MED12L: variants seen among roughly 807,000 people sequenced by gnomAD.
MED12L encodes mediator complex subunit 12L.
MED12L carries 60 observed loss-of-function variants against 281.3 expected under a neutral mutation model. The observed-to-expected ratio is 0.21, with a 90% CI of 0.17 to 0.26. The LOEUF is 0.26. Ranked by LOEUF, MED12L falls within the 10% of genes least tolerant of loss-of-function variation. The pLI, the probability that MED12L is intolerant of heterozygous loss-of-function variation, is 1.00. For synonymous variants in MED12L, 974 were observed against 987.2 expected (o/e 0.99, Z 0.25); for missense variants, 2,146 against 2,680.9 (o/e 0.80, Z 4.41).
At chr3:151,201,914 CA>C (rs1725655471) in intron 16 of MED12L, among the ~76,000 whole-genome samples, 1 of 152,126 alleles carries the variant, frequency 6.6e-6, no homozygotes, top group Non-Finnish European at 1.5e-5. Context: ...TTAAGTGCTC[CA>C]TTGCTTGCAC....
In MED12L at chr3:151,159,896, G is replaced by A; in HGVS notation, c.902G>A (p.Arg301His). Residue 301 changes from arginine (R) to histidine (H), a missense_variant, in exon 8 of 45, where the codon CGT becomes CAT. Physicochemically the swap from Arg to His is conservative, Grantham distance 29. Around this residue, in one of 9 missense-constraint regions of MED12L, gnomAD observed 722 missense variants for 861.2 expected, o/e 0.84. Coordinates refer to ENST00000687756, the MANE Select transcript of MED12L (RefSeq NM_001393769.1). ...SRRLAYFCAR[R>H]LSLLLSDSPN... ...CGTCTTGCCTACTTTTGTGCCCGGC[G>A]TCTTTCCTTGCTGCTGAGCGATAGC... 2.5e-6 allele frequency: 4 copies of A among 1,614,120 alleles called. No individual in the cohort carries two copies. Among genetic ancestry groups the A allele is most frequent in the Non-Finnish European group, 3.4e-6 (4 of 1,180,008 alleles).
intron 11 of MED12L, among the ~76,000 whole-genome samples, chr3:151,181,915 TAAAG>T (rs1035738715): frequency 2.6e-5 from 4 of 152,108 alleles, no homozygotes; most frequent in Admixed American, 2.6e-4. Flanking sequence ...CTGGCAGTCT[TAAAG>T]GAATAATTTT....
At chr3:151,257,174 C>T (rs574628117) in intron 16 of MED12L, among the ~76,000 whole-genome samples, 5 of 152,196 alleles carry the variant, frequency 3.3e-5, no homozygotes, top group African/African-American at 1.2e-4. Context: ...AGTGACCTCG[C>T]CTGGAAAGCA....
At chr3:151,229,969 G>GT (rs539215093) in intron 16 of MED12L, among the ~76,000 whole-genome samples, 1 of 151,396 alleles carries the variant, frequency 6.6e-6, no homozygotes, top group Non-Finnish European at 1.5e-5. Flanking sequence ...CTGTTTTTTT[G>GT]TTTTTTGTTT....
intron 16 of MED12L, among the ~76,000 whole-genome samples, chr3:151,310,467 C>A (rs2149774878): frequency 1.3e-5 from 2 of 152,282 alleles, no homozygotes; most frequent in South Asian, 4.1e-4. Context: ...GTGTTCAATA[C>A]AACATTGGTT....
chr3:151,200,959 G>A (rs1725476514), intron 16 of MED12L: 1 of 152,132 alleles, frequency 6.6e-6, no homozygotes, highest in Non-Finnish European at 1.5e-5. Flanking sequence ...AGCTCAGTCA[G>A]TCTGATCTCA....
At chr3:151,254,738 G>A (rs569412872) in intron 16 of MED12L, among the ~76,000 whole-genome samples, 19 of 152,310 alleles carry the variant, frequency 1.2e-4, no homozygotes, top group African/African-American at 4.1e-4. Flanking sequence ...GAGGAGATTC[G>A]TGTTGACAAA....
chr3:151,158,506 A>G (rs946733254), intron 6 of MED12L, among the ~76,000 whole-genome samples, 183 bp from the exon 7 acceptor site: 1 of 151,954 alleles, frequency 6.6e-6, no homozygotes, highest in Non-Finnish European at 1.5e-5. Flanking sequence ...TCTAAAAAAC[A>G]AAAAAAACTA....
At chr3:151,093,882 C>T (rs1420961078) in intron 2 of MED12L, among the ~76,000 whole-genome samples, 2 of 152,186 alleles carry the variant, frequency 1.3e-5, no homozygotes, top group Non-Finnish European at 2.9e-5. Context: ...GTTAGGGGTA[C>T]AACCACTGTC....
Position 151,214,228 on chromosome 3 carries a change from C to T in MED12L, c.2250+20562C>T, listed in dbSNP as rs769490082. ...TAGGATTCCTGCAATGAAGACCATA[C>T]AGTACAGCACAGGAATGATCTGCTG... On this transcript the variant is annotated intron_variant, in intron 16 of 44. Transcript: ENST00000687756. The T allele has an allele frequency of 2.5e-6, 4 of 1,613,948 alleles. No individual in the cohort carries two copies. The South Asian group carries it at 4.4e-5, about 18-fold the overall frequency.
intron 16 of MED12L, chr3:151,241,884 C>T (rs1734178006): frequency 6.5e-6 from 1 of 153,386 alleles, no homozygotes; most frequent in South Asian, 2.1e-4. Context: ...GGGTTCATCT[C>T]ACTAGGGAGT....
chr3:151,303,916 A>ATAT (rs1746286533), intron 16 of MED12L, among the ~76,000 whole-genome samples: 1 of 152,154 alleles, frequency 6.6e-6, no homozygotes, highest in African/African-American at 2.4e-5. Flanking sequence ...AATAATAATA[A>ATAT]TGTCATGTGA....
chr3:151,354,659 C>G (rs1398342100), intron 17 of MED12L, among the ~76,000 whole-genome samples: 1 of 152,104 alleles, frequency 6.6e-6, no homozygotes, highest in Admixed American at 6.5e-5. Flanking sequence ...AATCTGGAAA[C>G]TACTCACTAG....
At chr3:151,260,842 C>T (rs1738729859) in intron 16 of MED12L, among the ~76,000 whole-genome samples, 1 of 152,002 alleles carries the variant, frequency 6.6e-6, no homozygotes, top group Admixed American at 6.6e-5. Context: ...TAGTTGTATT[C>T]AGACTAAATT....
intron 4 of MED12L, among the ~76,000 whole-genome samples, chr3:151,123,899 A>G (rs1338608191): frequency 1.3e-5 from 2 of 152,254 alleles, no homozygotes; most frequent in African/African-American, 4.8e-5. Context: ...ATTGCCTTGC[A>G]TAGATTTCAG....
chr3:151,247,230 A>C (rs1451774341), intron 16 of MED12L, among the ~76,000 whole-genome samples: 2 of 152,226 alleles, frequency 1.3e-5, no homozygotes, highest in East Asian at 3.9e-4. Flanking sequence ...CTAGAACTGG[A>C]AATACCATTT....
At chr3:151,128,228 C>G (rs937280534) in intron 5 of MED12L, among the ~76,000 whole-genome samples, 1 of 152,142 alleles carries the variant, frequency 6.6e-6, no homozygotes, top group Non-Finnish European at 1.5e-5. Flanking sequence ...TTTTCACCAC[C>G]ACAGCTGTTG....
At position 151,417,484 on chromosome 3, in the gene MED12L, CG is replaced by C. The variant is rs145230882; in HGVS notation, c.6408+1063del. Among the ~76,000 whole-genome samples the C allele has an allele frequency of 2.6e-4, 23 of 87,502 alleles. 1 individual carries two copies. Among genetic ancestry groups the C allele is most frequent in the East Asian group, 1.3e-3 (3 of 2,288 alleles). The allele number at this position is 87,502 out of a possible 152,430, so 57.4% of individuals were successfully genotyped here. ...TGTTCCGCTCCCCCAGCTCCCCCCC[CG>C]CCTTTTTTTTTTTTTTTTTTTGAGA... On this transcript the variant is annotated intron_variant, in intron 43 of 44. Coordinates refer to ENST00000687756, the MANE Select transcript of MED12L (RefSeq NM_001393769.1).
At chr3:151,105,786 T>C (rs919953162) in intron 2 of MED12L, among the ~76,000 whole-genome samples, 2 of 152,192 alleles carry the variant, frequency 1.3e-5, no homozygotes, top group Admixed American at 1.3e-4. Flanking sequence ...TCTCTAGACC[T>C]GTATAGCTGA....
Sources: gnomAD v4.1 joint callset for allele counts (sites outside exome capture counted in the v4.1 genomes callset) on GRCh38, gnomAD v4.1.1 for gene constraint, gnomAD v4.1.1 regional missense constraint, MANE v1.5 for transcripts, NCBI Gene and HGNC (gene_info 2026-07-23, HGNC 2026-07-21) for gene names.